Variants in ANKEF1 observed in about 807,000 individuals in gnomAD.
The protein encoded by ANKEF1 is ankyrin repeat and EF-hand domain-containing protein 1.
ANKEF1 carries 43 observed loss-of-function variants against 65.1 expected under a neutral mutation model. That is an observed-to-expected ratio of 0.66 (90% CI 0.52 to 0.85). ANKEF1 has a LOEUF of 0.85. ANKEF1 is among the 40% of genes least tolerant of loss of function. ANKEF1 has a pLI of 0.00. For missense variants in ANKEF1, 934 were observed against 952.9 expected, an observed-to-expected ratio of 0.98 and a Z score of 0.26; for synonymous variants, 316 against 341.5, an observed-to-expected ratio of 0.93 and a Z score of 0.82.
intron 8 of ANKEF1, among the ~76,000 whole-genome samples, chr20:10,052,882 G>A (rs554041871): frequency 6.6e-6 from 1 of 151,976 alleles, no homozygotes; most frequent in East Asian, 1.9e-4. Context: ...AAAAACTAAG[G>A]AAAAGTAATT....
chr20:10,043,680 A>G (rs140146577), intron 4 of ANKEF1, among the ~76,000 whole-genome samples: 1,123 of 105,798 alleles, frequency 0.011, 16 homozygotes, highest in African/African-American at 0.04. Flanking sequence ...TTTTTTGGAG[A>G]CAGCGTCTCA....
chr20:10,056,495 A>ATGAT lies in ANKEF1; in HGVS notation c.*836_*839dup, dbSNP rs1272717589. 4 of 82,300 alleles carry ATGAT rather than the reference A, an allele frequency of 4.9e-5. No homozygotes were observed. Among genetic ancestry groups the ATGAT allele is most frequent in the Non-Finnish European group, 9.8e-5 (4 of 40,832 alleles). The allele number at this position is 82,300 out of a possible 1,614,324, so 5.1% of individuals were successfully genotyped here. A position where few individuals can be genotyped will look rare whatever the true frequency, so the allele number is the denominator to read the frequency against. The stretch of plus-strand genomic sequence containing the variant: ...AGATAGATGATAGATAGATAGATAG[A>ATGAT]TGATAGATAGATAGATAGATAGATA... On this transcript the variant is annotated 3_prime_UTR_variant, in exon 11 of 11. Transcript: ENST00000378392.
chr20:10,049,528 A>C lies in ANKEF1; in HGVS notation c.959A>C (p.Asn320Thr). The C allele has an allele frequency of 6.2e-7, 1 of 1,614,138 alleles. No individual in the cohort carries two copies. The highest frequency in any genetic ancestry group is 8.5e-7 in the Non-Finnish European group (1 of 1,180,010). Residue 320 changes from asparagine to threonine, a missense_variant, in exon 7 of 11, where the codon AAT becomes ACT. Transcript: ENST00000378392. ...ANKLARPGAK[N>T]PNPLWALRLH... is the part of the protein sequence containing the mutation. Reference sequence around the variant, plus strand: ...AAACTAGCCAGGCCAGGAGCCAAAAATCCAAATCCACTGTGGGCCCTTAGA... The same window carrying C: ...AAACTAGCCAGGCCAGGAGCCAAAACTCCAAATCCACTGTGGGCCCTTAGA...
chr20:10,038,680 C>A (rs1262006540), intron 3 of ANKEF1, 33 bp downstream of exon 3: 4 of 1,481,110 alleles, frequency 2.7e-6, no homozygotes, highest in Non-Finnish European at 2.7e-6. Flanking sequence ...CAGCAGATTG[C>A]AATTCATTTT....
Position 10,055,773 on chromosome 20 carries a change from C to A in ANKEF1, c.*113C>A. The stretch of plus-strand genomic sequence containing the variant: ...AATCCATACACCAAGAACTTGTTAC[C>A]AAGAATTTCTTTTTGCTTTAACAAC... On this transcript the variant is annotated 3_prime_UTR_variant, in exon 11 of 11. Coordinates refer to ENST00000378392, the MANE Select transcript of ANKEF1 (RefSeq NM_022096.6). 2 of 1,077,668 alleles carry A rather than the reference C, an allele frequency of 1.9e-6. No individual in the cohort carries two copies. Among genetic ancestry groups the A allele is most frequent in the Non-Finnish European group, 2.7e-6 (2 of 741,244 alleles). The allele number at this position is 1,077,668 out of a possible 1,614,324, so 66.8% of individuals were successfully genotyped here. A position where few individuals can be genotyped will look rare whatever the true frequency, so the allele number is the denominator to read the frequency against.
At chr20:10,048,772 G>A (rs1315743464) in intron 6 of ANKEF1, among the ~76,000 whole-genome samples, 4 of 152,076 alleles carry the variant, frequency 2.6e-5, no homozygotes, top group African/African-American at 4.8e-5. Flanking sequence ...GAATTTTAAT[G>A]TCTAACTTGC....
At chr20:10,047,846 T>G (rs1273942906) in intron 6 of ANKEF1, among the ~76,000 whole-genome samples, 1 of 152,218 alleles carries the variant, frequency 6.6e-6, no homozygotes, top group African/African-American at 2.4e-5. Flanking sequence ...CCTTTAGCTC[T>G]TTAAAGTGGG....
At chr20:10,039,505 T>C (rs1984049921) in intron 3 of ANKEF1, among the ~76,000 whole-genome samples, 1 of 152,210 alleles carries the variant, frequency 6.6e-6, no homozygotes, top group East Asian at 1.9e-4. Flanking sequence ...TCTCCAGACT[T>C]GGTGTTTGAT....
At chr20:10,041,558 C>T (rs1984194894) in intron 3 of ANKEF1, among the ~76,000 whole-genome samples, 1 of 152,008 alleles carries the variant, frequency 6.6e-6, no homozygotes, top group African/African-American at 2.4e-5. Context: ...GTACCTTGTA[C>T]TTTATTTCCT....
intron 2 of ANKEF1, among the ~76,000 whole-genome samples, chr20:10,037,064 A>G (rs1271312776): frequency 1.3e-5 from 2 of 152,324 alleles, no homozygotes; most frequent in Non-Finnish European, 1.5e-5. Context: ...TCACTGCCGT[A>G]GAGAATGTAG....
Position 10,055,751 on chromosome 20 carries a change from C to A in ANKEF1, c.*91C>A. Reference sequence around the variant, plus strand: ...ATATTTCCATCAAAGCCAAAGCAATCCATACACCAAGAACTTGTTACCAAG... The same window carrying A: ...ATATTTCCATCAAAGCCAAAGCAATACATACACCAAGAACTTGTTACCAAG... On this transcript the variant is annotated 3_prime_UTR_variant, in exon 11 of 11. Transcript: ENST00000378392. The A allele has an allele frequency of 1.5e-6, 2 of 1,323,894 alleles. No individual in the cohort carries two copies. Among genetic ancestry groups the A allele is most frequent in the Non-Finnish European group, 2.1e-6 (2 of 938,216 alleles). 82.0% of individuals were successfully genotyped at this position (1,323,894 alleles called of 1,614,324 possible).
chr20:10,056,021 T>C lies in ANKEF1; in HGVS notation c.*361T>C, dbSNP rs955079270. 3 of 167,766 alleles carry C rather than the reference T, an allele frequency of 1.8e-5. No homozygotes were observed. Among genetic ancestry groups the C allele is most frequent in the East Asian group, 3.0e-4 (2 of 6,560 alleles). The allele number at this position is 167,766 out of a possible 1,614,324, so 10.4% of individuals were successfully genotyped here. A position where few individuals can be genotyped will look rare whatever the true frequency, so the allele number is the denominator to read the frequency against. ...TAAATAGAGACAGAGTCTCACTATA[T>C]TGCCCCAGCTGGTCTCGAACTCTTG... On this transcript the variant is annotated 3_prime_UTR_variant, in exon 11 of 11. Transcript: ENST00000378392.
intron 6 of ANKEF1, among the ~76,000 whole-genome samples, chr20:10,047,600 G>A (rs183044738): frequency 4.2e-4 from 64 of 152,238 alleles, no homozygotes; most frequent in African/African-American, 1.5e-3. Flanking sequence ...GGAGCAATTG[G>A]CAACTCCCTG....
intron 3 of ANKEF1, among the ~76,000 whole-genome samples, chr20:10,041,291 GT>G (rs1360820824): frequency 6.7e-6 from 1 of 150,190 alleles, no homozygotes; most frequent in African/African-American, 2.4e-5. Flanking sequence ...AGTTATTTTA[GT>G]TTTTTTATTT....
At chr20:10,042,936 A>T (rs1984276294) in intron 3 of ANKEF1, among the ~76,000 whole-genome samples, 186 bp from the exon 4 acceptor site, 1 of 152,096 alleles carries the variant, frequency 6.6e-6, no homozygotes. Flanking sequence ...CTGTTTTCTA[A>T]CGATGTCAGG....
At position 10,054,472 on chromosome 20, in the gene ANKEF1, C is replaced by A. The variant is rs375202162; in HGVS notation, c.2045C>A (p.Ser682Ter). The change falls in exon 10 of 11, where the codon TCA (serine) becomes TAA (stop). Residue 682 changes from serine to a stop codon, truncating the protein, a stop_gained. Coordinates refer to ENST00000378392, the MANE Select transcript of ANKEF1 (RefSeq NM_022096.6). LOFTEE classifies it high-confidence loss of function. The part of the protein sequence containing the change: ...PEIKKEEELL[S>*]SIYGVPTTSE... ...TGTTCTTGTTTCCAGGAACTGCTGTCATCAATTTATGGTGTACCAACCACA... is the reference window on the plus strand; with the variant it reads ...TGTTCTTGTTTCCAGGAACTGCTGTAATCAATTTATGGTGTACCAACCACA... 66 of 1,548,444 alleles carry A rather than the reference C, an allele frequency of 4.3e-5. No homozygotes were observed. The highest frequency in any genetic ancestry group is 3.4e-4 in the Middle Eastern group (2 of 5,892).
At chr20:10,036,232 C>A (rs1983846589) in intron 2 of ANKEF1, among the ~76,000 whole-genome samples, 1 of 152,228 alleles carries the variant, frequency 6.6e-6, no homozygotes, top group Admixed American at 6.5e-5. Flanking sequence ...CTAATTAATT[C>A]TCCGTTAGAG....
At chr20:10,055,366 AAATTT>A in intron 10 of ANKEF1, 131 bp from the exon 11 acceptor site, 2 of 759,388 alleles carry the variant, frequency 2.6e-6, no homozygotes, top group Admixed American at 2.8e-5. Flanking sequence ...ATCTAAAAGT[AAATTT>A]AATAGTTTTA....
rs553883114 is a variant in ANKEF1, at chr20:10,045,626, A to G, written c.749A>G (p.Asn250Ser). 6.2e-7 allele frequency: 1 copy of G among 1,613,854 alleles called. No individual in the cohort carries two copies. The highest frequency in any genetic ancestry group is 1.3e-5 in the African/African-American group (1 of 75,020). ...YNGDVGLISI[N>S]GNTPLHYAAM... Reference sequence around the variant, plus strand: ...GGAGACGTGGGGCTGATTTCGATAAATGGGAACACACCACTTCATTATGCT... The same window carrying G: ...GGAGACGTGGGGCTGATTTCGATAAGTGGGAACACACCACTTCATTATGCT... Residue 250 changes from asparagine (N) to serine (S), a missense_variant, in exon 6 of 11, where the codon AAT (asparagine) becomes AGT (serine). Physicochemically the swap from Asn to Ser is conservative, Grantham distance 46. Coordinates refer to ENST00000378392, the MANE Select transcript of ANKEF1 (RefSeq NM_022096.6).
Sources: gnomAD v4.1 joint callset for allele counts (sites outside exome capture counted in the v4.1 genomes callset) on GRCh38, gnomAD v4.1.1 for gene constraint, MANE v1.5 for transcripts, NCBI Gene and HGNC (gene_info 2026-07-23, HGNC 2026-07-21) for gene names.